Variants in RHOC observed in about 807,000 individuals in gnomAD.
RHOC encodes ras homolog family member C.
RHOC carries 13 observed loss-of-function variants against 19.5 expected under a neutral mutation model. The observed-to-expected ratio is 0.67, with a 90% CI of 0.43 to 1.06. RHOC has a LOEUF of 1.06. Among genes scored for constraint, RHOC ranks in the 50% least tolerant of loss-of-function variants. The pLI is 0.00. For synonymous variants in RHOC, 106 were observed against 97.3 expected (o/e 1.09, Z -0.52); for missense variants, 173 against 256.9 (o/e 0.67, Z 2.23).
At chr1:112,703,850 G>A in intron 2 of RHOC, 44 bp from the exon 3 acceptor site, 1 of 1,568,804 alleles carries the variant, frequency 6.4e-7, no homozygotes, top group Non-Finnish European at 8.7e-7. Context: ...AAGCCATTAA[G>A]TCCAAAAACA....
chr1:112,703,856 A>G, intron 2 of RHOC, 50 bp from the exon 3 acceptor site: 1 of 1,557,064 alleles, frequency 6.4e-7, no homozygotes, highest in Non-Finnish European at 8.7e-7. Context: ...TTAAGTCCAA[A>G]AACACTTCTC....
chr1:112,705,905 C>A (rs1674819836), intron 1 of RHOC: 1 of 340,716 alleles, frequency 2.9e-6, no homozygotes, highest in Non-Finnish European at 5.9e-6. Flanking sequence ...GGACAGAAAC[C>A]CGGGGTTGAG....
chr1:112,706,485 CACACACACACA>C (rs1674881650), intron 1 of RHOC, among the ~76,000 whole-genome samples: 2 of 19,944 alleles, frequency 1.0e-4, no homozygotes, highest in Non-Finnish European at 9.5e-5. Context: ...CACACACACA[CACACACACACA>C]CACACACACA....
intron 3 of RHOC, 31 bp downstream of exon 3, chr1:112,703,613 G>A (rs1557779074): frequency 6.3e-7 from 1 of 1,592,294 alleles, no homozygotes; most frequent in Admixed American, 1.7e-5. Flanking sequence ...GGGGTCTCAG[G>A]GTGGGGTGGG....
Position 112,701,365 on chromosome 1 carries a change from C to CTGGG in RHOC, c.*171_*174dup, listed in dbSNP as rs1211131898. ...GGGCATAGGCGTGGCTCCCAGAGCG[C>CTGGG]TGGGAGGGAGGGCCCGTGCCACCAC... On this transcript the variant is annotated 3_prime_UTR_variant, in exon 6 of 6. Coordinates refer to ENST00000339083, the MANE Select transcript of RHOC (RefSeq NM_175744.5). The CTGGG allele has an allele frequency of 1.1e-5, 16 of 1,512,510 alleles. No homozygotes were observed. Among genetic ancestry groups the CTGGG allele is most frequent in the Non-Finnish European group, 1.4e-5 (16 of 1,126,470 alleles). 93.7% of individuals were successfully genotyped at this position (1,512,510 alleles called of 1,614,324 possible). A position where few individuals can be genotyped will look rare whatever the true frequency, so the allele number is the denominator to read the frequency against.
At chr1:112,704,730 G>T in intron 2 of RHOC, 1 of 228,008 alleles carries the variant, frequency 4.4e-6, no homozygotes, top group Non-Finnish European at 8.9e-6. Flanking sequence ...TCCCAGCAAT[G>T]CCCACAGCTC....
At position 112,701,287 on chromosome 1, in the gene RHOC, C is replaced by A; in HGVS notation, c.*253G>T. 1.0e-6 allele frequency: 1 copy of A among 983,636 alleles called. No individual in the cohort carries two copies. The highest frequency in any genetic ancestry group is 1.5e-6 in the Non-Finnish European group (1 of 676,376). 60.9% of individuals were successfully genotyped at this position (983,636 alleles called of 1,614,324 possible). On this transcript the variant is annotated 3_prime_UTR_variant, in exon 6 of 6. Coordinates refer to ENST00000339083, the MANE Select transcript of RHOC (RefSeq NM_175744.5). ...GTATAAAGTGCTGGTGTGTGACCAT[C>A]CTTTGGGGAAGGTCAAAGGGGGCAA...
At chr1:112,702,747 C>A in intron 4 of RHOC, 54 bp from the exon 5 acceptor site, 1 of 1,608,038 alleles carries the variant, frequency 6.2e-7, no homozygotes, top group Non-Finnish European at 8.5e-7. Flanking sequence ...CTAGAAAGCT[C>A]CCCTGGGGGG....
intron 2 of RHOC, chr1:112,704,582 T>G: frequency 5.8e-6 from 1 of 171,330 alleles, no homozygotes; most frequent in Non-Finnish European, 1.3e-5. Context: ...GTCGTGCCTC[T>G]TCGACATGTC....
chr1:112,702,704 A>G lies in RHOC; in HGVS notation c.278-11T>C, dbSNP rs148864610. The G allele has an allele frequency of 0.011, 17,760 of 1,613,990 alleles. 161 individuals carry two copies. The highest frequency in any genetic ancestry group is 0.026 in the Middle Eastern group (156 of 6,058). ...TCTCAGGAATGTTTTCTGTGTAGAC[A>G]TGCACCAACAGGTGTCGGTGCCTCC... On this transcript the variant is annotated splice_polypyrimidine_tract_variant and intron_variant, in intron 4 of 5. Coordinates refer to ENST00000339083, the MANE Select transcript of RHOC (RefSeq NM_175744.5).
intron 5 of RHOC, 101 bp downstream of exon 5, chr1:112,702,461 CT>C: frequency 7.7e-7 from 1 of 1,305,538 alleles, no homozygotes; most frequent in Non-Finnish European, 1.1e-6. Flanking sequence ...ACTGTTTCCC[CT>C]AACACACGGC....
At position 112,701,182 on chromosome 1, in the gene RHOC, C is replaced by G. The variant is rs1279517877; in HGVS notation, c.*358G>C. ...CCCCCTGACCAAATGCAGTGAGAGACAAGGCCCCTGCCGAAAACAACTCCA... is the reference window on the plus strand; with the variant it reads ...CCCCCTGACCAAATGCAGTGAGAGAGAAGGCCCCTGCCGAAAACAACTCCA... On this transcript the variant is annotated 3_prime_UTR_variant, in exon 6 of 6. Coordinates refer to ENST00000339083, the MANE Select transcript of RHOC (RefSeq NM_175744.5). 7.2e-6 allele frequency: 4 copies of G among 554,434 alleles called. No homozygotes were observed. The allele number at this position is 554,434 out of a possible 1,614,324, so 34.3% of individuals were successfully genotyped here. A position where few individuals can be genotyped will look rare whatever the true frequency, so the allele number is the denominator to read the frequency against.
intron 1 of RHOC, among the ~76,000 whole-genome samples, chr1:112,706,468 A>ACACAC: frequency 3.4e-4 from 1 of 2,970 alleles, no homozygotes; most frequent in African/African-American, 8.4e-4. Flanking sequence ...CACACACCAC[A>ACACAC]CACACACACA....
chr1:112,706,430 TAC>T lies in RHOC; in HGVS notation c.-77+646_-77+647del, dbSNP rs149206424. ...CATTTTCTCTCTCTCTCTCTCTCTCTACACACACACACACACACACACACACA... is the reference window on the plus strand; with the variant it reads ...CATTTTCTCTCTCTCTCTCTCTCTCTACACACACACACACACACACACACA... On this transcript the variant is annotated intron_variant, in intron 1 of 5. Transcript: ENST00000339083. Among the ~76,000 whole-genome samples, 131 of 49,694 alleles carry T rather than the reference TAC, an allele frequency of 2.6e-3. 8 individuals are homozygous for T. Among genetic ancestry groups the T allele is most frequent in the African/African-American group, 0.011 (125 of 11,550 alleles). The allele number at this position is 49,694 out of a possible 152,430, so 32.6% of individuals were successfully genotyped here.
At chr1:112,702,485 G>A (rs1179127821) in intron 5 of RHOC, 78 bp downstream of exon 5, 5 of 1,493,570 alleles carry the variant, frequency 3.3e-6, no homozygotes, top group Non-Finnish European at 4.6e-6. Flanking sequence ...TAGCTGGAGA[G>A]AAGTTCCCTT....
At chr1:112,706,467 CACACA>C (rs1674871334) in intron 1 of RHOC, among the ~76,000 whole-genome samples, 2 of 2,938 alleles carry the variant, frequency 6.8e-4, no homozygotes, top group African/African-American at 1.7e-3. Context: ...ACACACACCA[CACACA>C]CACACACACA....
intron 2 of RHOC, 77 bp from the exon 3 acceptor site, chr1:112,703,883 C>A: frequency 7.1e-7 from 1 of 1,399,002 alleles, no homozygotes; most frequent in East Asian, 2.4e-5. Context: ...CCCCAAACCT[C>A]CCTGGAAACC....
Position 112,705,163 on chromosome 1 carries a change from T to A in RHOC, c.-71A>T. The stretch of plus-strand genomic sequence containing the variant: ...GGCGGGCTCTGGAGCTGAGATGAAG[T>A]CAAGGCTGTTGGGAAGGGGGAGGGG... On this transcript the variant is annotated 5_prime_UTR_variant, in exon 2 of 6. Transcript: ENST00000339083. 1.4e-6 allele frequency: 1 copy of A among 702,152 alleles called. No individual in the cohort carries two copies. The highest frequency in any genetic ancestry group is 2.6e-6 in the Non-Finnish European group (1 of 384,850). 43.5% of individuals were successfully genotyped at this position (702,152 alleles called of 1,614,324 possible). A position where few individuals can be genotyped will look rare whatever the true frequency, so the allele number is the denominator to read the frequency against.
chr1:112,702,888 G>A (rs1167214163), intron 4 of RHOC, 111 bp downstream of exon 4: 2 of 1,436,586 alleles, frequency 1.4e-6, no homozygotes, highest in East Asian at 2.3e-5. Context: ...GGGCCTGAGT[G>A]CTCCCCTGCA....
Sources: allele counts gnomAD v4.1 joint callset (sites outside exome capture counted in the v4.1 genomes callset), GRCh38; gene constraint gnomAD v4.1.1; transcripts MANE v1.5; gene names NCBI Gene and HGNC (gene_info 2026-07-23, HGNC 2026-07-21).